The following STAU2 variants were observed in gnomAD, a reference collection of about 807,000 sequenced individuals.
The protein encoded by STAU2 is staufen double-stranded RNA binding protein 2, also known as double-stranded RNA-binding protein Staufen homolog 2.
STAU2 carries 20 observed loss-of-function variants against 65.9 expected under a neutral mutation model. That is an observed-to-expected ratio of 0.30 (90% CI 0.21 to 0.44). STAU2 has a LOEUF of 0.44. STAU2 is among the 20% of genes least tolerant of loss of function. STAU2 has a pLI of 1.00. For synonymous variants in STAU2, 232 were observed against 233.9 expected (o/e 0.99, Z 0.07); for missense variants, 558 against 683.9 (o/e 0.82, Z 2.05).
At chr8:73,635,817 T>A (rs1212807037) in intron 6 of STAU2, among the ~76,000 whole-genome samples, 2 of 150,658 alleles carry the variant, frequency 1.3e-5, no homozygotes, top group Non-Finnish European at 3.0e-5. Context: ...AGAGTAAGGC[T>A]CCGTCTAAAT....
Position 73,433,237 on chromosome 8 carries a change from G to A in STAU2, c.1531-10535C>T, listed in dbSNP as rs529815582. Reference sequence around the variant, plus strand: ...TATTTATTTTTTGAGATGGAGTCTTGCTCTGTTGCCAGGCTGGAGTGCAAT... The same window carrying A: ...TATTTATTTTTTGAGATGGAGTCTTACTCTGTTGCCAGGCTGGAGTGCAAT... On this transcript the variant is annotated intron_variant, in intron 13 of 14. Transcript: ENST00000524300. Among the ~76,000 whole-genome samples, 704 of 151,136 alleles carry A rather than the reference G, an allele frequency of 4.7e-3. 9 individuals are homozygous for A. The highest frequency in any genetic ancestry group is 0.016 in the African/African-American group (664 of 40,576).
intron 3 of STAU2, among the ~76,000 whole-genome samples, chr8:73,711,901 CAT>C (rs1820929288): frequency 6.6e-6 from 1 of 152,032 alleles, no homozygotes; most frequent in Non-Finnish European, 1.5e-5. Context: ...AATAATTAGT[CAT>C]AGTTGTTTTA....
chr8:73,534,051 A>G (rs1002009927), intron 13 of STAU2, among the ~76,000 whole-genome samples: 2 of 152,256 alleles, frequency 1.3e-5, no homozygotes, highest in Admixed American at 1.3e-4. Context: ...GTTGCCTGTT[A>G]GATCATTAAG....
rs1178270500 is a variant in STAU2, at chr8:73,552,223, G to A, written c.1319C>T (p.Ser440Leu). The change falls in exon 13 of 15, where the codon TCA becomes TTA. Residue 440 changes from serine (S) to leucine (L), a missense_variant. By Grantham distance (145) the Ser-to-Leu change is moderately radical. This residue lies in a region of STAU2 where 247 missense variants were observed against 270.1 expected (regional missense o/e 0.91). Coordinates refer to ENST00000524300, the MANE Select transcript of STAU2 (RefSeq NM_001164380.2). Reference sequence around the variant, plus strand: ...TGAAGGTTGGTTCATATCTTTGGGTGACAAATAGCCTAGAGTAGTGCCAGA... The same window carrying A: ...TGAAGGTTGGTTCATATCTTTGGGTAACAAATAGCCTAGAGTAGTGCCAGA... ...VISGTTLGYLSPKDMNQPSSS... is the reference protein window; with the variant it reads ...VISGTTLGYLLPKDMNQPSSS... 1 of 1,613,854 alleles carries A rather than the reference G, an allele frequency of 6.2e-7. No homozygotes were observed. The highest frequency in any genetic ancestry group is 1.3e-5 in the African/African-American group (1 of 74,918).
intron 13 of STAU2, among the ~76,000 whole-genome samples, chr8:73,538,671 T>G (rs1225514385): frequency 6.9e-6 from 1 of 144,340 alleles, no homozygotes; most frequent in Admixed American, 7.1e-5. Context: ...TAAGTCAGAG[T>G]TTTAGAAAAA....
At chr8:73,519,810 G>A (rs984932398) in intron 13 of STAU2, among the ~76,000 whole-genome samples, 2 of 152,228 alleles carry the variant, frequency 1.3e-5, no homozygotes, top group African/African-American at 4.8e-5. Flanking sequence ...ACTGAGGTGA[G>A]CAAGACTCTG....
At chr8:73,560,935 G>A (rs1279908427) in intron 12 of STAU2, among the ~76,000 whole-genome samples, 1 of 152,002 alleles carries the variant, frequency 6.6e-6, no homozygotes, top group African/African-American at 2.4e-5. Context: ...CAGGCAAATG[G>A]AAAGTATTTA....
At chr8:73,527,248 C>CG (rs1447372760) in intron 13 of STAU2, 2 of 157,106 alleles carry the variant, frequency 1.3e-5, no homozygotes, top group East Asian at 3.6e-4. Context: ...ACAAAATCAC[C>CG]TGATGATGCA....
chr8:73,532,846 G>A (rs1312227902), intron 13 of STAU2, among the ~76,000 whole-genome samples: 2 of 152,090 alleles, frequency 1.3e-5, no homozygotes, highest in Non-Finnish European at 2.9e-5. Flanking sequence ...TTGCCAATCA[G>A]AAAATCTTTG....
intron 13 of STAU2, among the ~76,000 whole-genome samples, chr8:73,484,594 T>C (rs1820816448): frequency 1.3e-5 from 2 of 152,088 alleles, no homozygotes; most frequent in Non-Finnish European, 2.9e-5. Context: ...TAAAAGGATA[T>C]TTAAAAAGTA....
chr8:73,428,377 A>T (rs1014090369), intron 13 of STAU2, among the ~76,000 whole-genome samples: 10 of 120,954 alleles, frequency 8.3e-5, no homozygotes, highest in Non-Finnish European at 1.1e-4. Flanking sequence ...ATTAATGGAC[A>T]TTTAGGTTGA....
intron 3 of STAU2, among the ~76,000 whole-genome samples, chr8:73,724,092 A>C (rs541218863): frequency 6.6e-6 from 1 of 152,156 alleles, no homozygotes; most frequent in East Asian, 1.9e-4. Context: ...TCTACTCTCT[A>C]TGTCACATCC....
intron 3 of STAU2, among the ~76,000 whole-genome samples, chr8:73,726,357 A>G (rs1273913592): frequency 1.3e-5 from 2 of 152,186 alleles, no homozygotes; most frequent in African/African-American, 4.8e-5. Flanking sequence ...GGGTGCACCA[A>G]AGTCTCAGAA....
intron 6 of STAU2, chr8:73,651,306 C>G: frequency 1.5e-6 from 1 of 676,394 alleles, no homozygotes; most frequent in South Asian, 1.5e-5. Context: ...ACAGCCTTCA[C>G]CACGGAGCAG....
chr8:73,543,407 T>G (rs974912994), intron 13 of STAU2, among the ~76,000 whole-genome samples: 2 of 152,230 alleles, frequency 1.3e-5, no homozygotes, highest in African/African-American at 4.8e-5. Flanking sequence ...TTATCACATG[T>G]AAATTATACA....
At chr8:73,488,689 TAA>T (rs35869894) in intron 13 of STAU2, among the ~76,000 whole-genome samples, 1 of 144,048 alleles carries the variant, frequency 6.9e-6, no homozygotes. Flanking sequence ...AAGAAATCCT[TAA>T]AAAAAAAAAA....
chr8:73,612,673 A>G (rs1039574044), intron 9 of STAU2, among the ~76,000 whole-genome samples: 1 of 152,154 alleles, frequency 6.6e-6, no homozygotes, highest in Admixed American at 6.5e-5. Flanking sequence ...TTTTGTATAT[A>G]TGTATATATG....
At chr8:73,455,200 T>G (rs1818997460) in intron 13 of STAU2, among the ~76,000 whole-genome samples, 1 of 152,136 alleles carries the variant, frequency 6.6e-6, no homozygotes, top group East Asian at 1.9e-4. Context: ...CCGCTCTGCT[T>G]GGGCTGGCTC....
At chr8:73,625,864 AAAGGG>A (rs74779547) in intron 6 of STAU2, among the ~76,000 whole-genome samples, 12,461 of 152,092 alleles carry the variant, frequency 0.082, 570 homozygotes, top group Middle Eastern at 0.14. Flanking sequence ...CAAATTTTGT[AAAGGG>A]AAGTGTAAAA....
Sources: gnomAD v4.1 joint callset for allele counts (sites outside exome capture counted in the v4.1 genomes callset) on GRCh38, gnomAD v4.1.1 for gene constraint, gnomAD v4.1.1 regional missense constraint, MANE v1.5 for transcripts, NCBI Gene and HGNC (gene_info 2026-07-23, HGNC 2026-07-21) for gene names.